The following AGPAT4 variants were observed in gnomAD, a reference collection of about 807,000 sequenced individuals.
AGPAT4 encodes the protein 1-acyl-sn-glycerol-3-phosphate acyltransferase delta.
Under a neutral mutation model 48.0 loss-of-function variants are expected in AGPAT4, and 15 were observed. That is an observed-to-expected ratio of 0.31 (90% CI 0.21 to 0.48). AGPAT4 has a LOEUF of 0.48. Among genes scored for constraint, AGPAT4 ranks in the 20% least tolerant of loss-of-function variants. AGPAT4 has a pLI of 0.99. For synonymous variants in AGPAT4, 178 were observed against 198.7 expected (o/e 0.90, Z 0.88); for missense variants, 314 against 482.5 (o/e 0.65, Z 3.27).
intron 1 of AGPAT4, among the ~76,000 whole-genome samples, chr6:161,269,619 T>C (rs1393447204): frequency 6.6e-6 from 1 of 152,144 alleles, no homozygotes; most frequent in African/African-American, 2.4e-5. Flanking sequence ...CCCTCCAGCC[T>C]GGGTGACAGA....
At position 161,143,093 on chromosome 6, in the gene AGPAT4, G is replaced by C. The variant is rs1195708418; in HGVS notation, c.843+3431C>G. 6.6e-6 allele frequency among the ~76,000 whole-genome samples: 1 copy of C among 152,208 alleles called. No individual in the cohort carries two copies. Among genetic ancestry groups the C allele is most frequent in the East Asian group, 1.9e-4 (1 of 5,192 alleles). ...TGTCCTTCACTTATTTCTCTTTAGA[G>C]ACAGGGTCTTGCTCTGCTGCCCAGG... On this transcript the variant is annotated intron_variant, in intron 7 of 8. Coordinates refer to ENST00000320285, the MANE Select transcript of AGPAT4 (RefSeq NM_020133.3). The surrounding 1 kb of genome is among the most constrained non-coding windows in gnomAD (Gnocchi z 4.7).
intron 5 of AGPAT4, among the ~76,000 whole-genome samples, chr6:161,151,491 A>G (rs943198818): frequency 2.0e-5 from 3 of 152,194 alleles, no homozygotes; most frequent in Non-Finnish European, 2.9e-5. Context: ...CAGGAGGGGG[A>G]CACGTAGCCC....
chr6:161,252,598 A>C (rs1440115137), intron 1 of AGPAT4, among the ~76,000 whole-genome samples: 7 of 152,050 alleles, frequency 4.6e-5, no homozygotes, highest in Non-Finnish European at 1.0e-4. Flanking sequence ...CCAAGGCGGG[A>C]GATCTCTTGA....
rs1782179555 is a variant in AGPAT4, at chr6:161,233,334, T to C, written c.-89-1032A>G. 6.6e-6 allele frequency among the ~76,000 whole-genome samples: 1 copy of C among 152,218 alleles called. No homozygotes were observed. Among genetic ancestry groups the C allele is most frequent in the Non-Finnish European group, 1.5e-5 (1 of 68,034 alleles). On this transcript the variant is annotated intron_variant, in intron 1 of 8. Coordinates refer to ENST00000320285, the MANE Select transcript of AGPAT4 (RefSeq NM_020133.3). This position sits in a 1 kb window ranked among gnomAD's most constrained non-coding sequence, Gnocchi z 5.4. ...CAAATACTCTGATGAAAAGGAAAGC[T>C]GTGAGCAGCGGACTCGCTTTTCCTG...
intron 2 of AGPAT4, among the ~76,000 whole-genome samples, chr6:161,179,013 A>T (rs1425080478): frequency 6.6e-6 from 1 of 152,214 alleles, no homozygotes; most frequent in Non-Finnish European, 1.5e-5. Flanking sequence ...AGAACGCAGT[A>T]GGTGACCTCT....
In AGPAT4 at chr6:161,189,972, T is replaced by C. The variant is rs1316232108; in HGVS notation, c.179-23555A>G. On this transcript the variant is annotated intron_variant, in intron 2 of 8. Transcript: ENST00000320285. This position sits in a 1 kb window ranked among gnomAD's most constrained non-coding sequence, Gnocchi z 5.3. ...TAATTGGAGCATTTCTTTTCCTTTC[T>C]TAGAGATGCATAATAAATATGCACC... Among the ~76,000 whole-genome samples, 1 of 152,208 alleles carries C rather than the reference T, an allele frequency of 6.6e-6. No individual in the cohort carries two copies. Among genetic ancestry groups the C allele is most frequent in the Non-Finnish European group, 1.5e-5 (1 of 68,052 alleles).
chr6:161,153,692 G>A (rs1779664439), intron 4 of AGPAT4, among the ~76,000 whole-genome samples, 193 bp from the exon 5 acceptor site: 1 of 148,414 alleles, frequency 6.7e-6, no homozygotes, highest in Non-Finnish European at 1.5e-5. Context: ...GTCACACACA[G>A]CCCTGGTGTC....
Position 161,255,499 on chromosome 6 carries a change from A to G in AGPAT4, c.-90+18439T>C, listed in dbSNP as rs1782921858. ...TTCATCAACTGATGCGTGGATAAAT[A>G]CAATACAGTATATCCATAAAATGGA... On this transcript the variant is annotated intron_variant, in intron 1 of 8. Transcript: ENST00000320285. This position sits in a 1 kb window ranked among gnomAD's most constrained non-coding sequence, Gnocchi z 4.7. Among the ~76,000 whole-genome samples, 1 of 152,210 alleles carries G rather than the reference A, an allele frequency of 6.6e-6. No homozygotes were observed. The highest frequency in any genetic ancestry group is 1.5e-5 in the Non-Finnish European group (1 of 68,048).
chr6:161,173,244 G>A (rs1234244706), intron 2 of AGPAT4, among the ~76,000 whole-genome samples: 3 of 152,194 alleles, frequency 2.0e-5, no homozygotes, highest in Non-Finnish European at 4.4e-5. Flanking sequence ...GGTTGAACCA[G>A]TTTACAGTCC....
intron 2 of AGPAT4, among the ~76,000 whole-genome samples, chr6:161,188,736 G>A (rs371129740): frequency 1.8e-4 from 28 of 152,266 alleles, no homozygotes; most frequent in African/African-American, 4.6e-4. Context: ...AAGCACGGCC[G>A]TGCCTCTGGG....
At chr6:161,185,167 G>T (rs1255184312) in intron 2 of AGPAT4, among the ~76,000 whole-genome samples, 1 of 150,036 alleles carries the variant, frequency 6.7e-6, no homozygotes, top group Non-Finnish European at 1.5e-5. Context: ...AAACAAGAGG[G>T]AGATAGTTTG....
rs1358859419 is a variant in AGPAT4 at position 161,159,319 on chromosome 6, T to C, written c.349-5009A>G. Among the ~76,000 whole-genome samples, 1 of 152,164 alleles carries C rather than the reference T, an allele frequency of 6.6e-6. No homozygotes were observed. Among genetic ancestry groups the C allele is most frequent in the African/African-American group, 2.4e-5 (1 of 41,450 alleles). On this transcript the variant is annotated intron_variant, in intron 3 of 8. Transcript: ENST00000320285. This position sits in a 1 kb window ranked among gnomAD's most constrained non-coding sequence, Gnocchi z 4.1. ...CAAAGGTATTGATTAAGAAGCCCCC[T>C]ATGCCAGGCATTATGCAGGTGCCGA...
At chr6:161,150,258 T>G (rs994724457) in intron 5 of AGPAT4, among the ~76,000 whole-genome samples, 1 of 152,078 alleles carries the variant, frequency 6.6e-6, no homozygotes, top group South Asian at 2.1e-4. Context: ...GAGGAACGGG[T>G]GGGAACCCCA....
Position 161,242,384 on chromosome 6 carries a change from C to T in AGPAT4, c.-89-10082G>A, listed in dbSNP as rs1782517489. Among the ~76,000 whole-genome samples, 1 of 152,170 alleles carries T rather than the reference C, an allele frequency of 6.6e-6. No individual in the cohort carries two copies. Among genetic ancestry groups the T allele is most frequent in the Non-Finnish European group, 1.5e-5 (1 of 68,034 alleles). On this transcript the variant is annotated intron_variant, in intron 1 of 8. Coordinates refer to ENST00000320285, the MANE Select transcript of AGPAT4 (RefSeq NM_020133.3). This position sits in a 1 kb window ranked among gnomAD's most constrained non-coding sequence, Gnocchi z 5.0. ...TTTCAGTCCATGGTCTTGTTTCTGACTGTTGGGGTGCTCATGAGTATTTAA... is the reference window on the plus strand; with the variant it reads ...TTTCAGTCCATGGTCTTGTTTCTGATTGTTGGGGTGCTCATGAGTATTTAA...
chr6:161,139,879 T>C lies in AGPAT4; in HGVS notation c.844-259A>G, dbSNP rs1236535047. Among the ~76,000 whole-genome samples the C allele has an allele frequency of 2.6e-5, 4 of 152,168 alleles. No individual in the cohort carries two copies. The highest frequency in any genetic ancestry group is 9.6e-5 in the African/African-American group (4 of 41,458). On this transcript the variant is annotated intron_variant, in intron 7 of 8. Transcript: ENST00000320285. The surrounding 1 kb of genome is among the most constrained non-coding windows in gnomAD (Gnocchi z 9.1). ...GTCACTGAGTGCAGGGCGTGGAGCA[T>C]GAACCCTGGCGCCAGGCCAGCCTGG... is the stretch of plus-strand genomic sequence containing the variant.
In AGPAT4 at chr6:161,231,748, A is replaced by C. The variant is rs916172131; in HGVS notation, c.178+288T>G. On this transcript the variant is annotated intron_variant, in intron 2 of 8. Coordinates refer to ENST00000320285, the MANE Select transcript of AGPAT4 (RefSeq NM_020133.3). This position sits in a 1 kb window ranked among gnomAD's most constrained non-coding sequence, Gnocchi z 5.3. ...TTTCTGTAAGGATAACTAAGAAATC[A>C]TTAATACTGATTGGTTCTGAGGAGA... Among the ~76,000 whole-genome samples the C allele has an allele frequency of 5.3e-5, 8 of 152,232 alleles. No individual in the cohort carries two copies. The highest frequency in any genetic ancestry group is 2.9e-5 in the Non-Finnish European group (2 of 68,036).
In AGPAT4 at chr6:161,262,136, C is replaced by A. The variant is rs981339087; in HGVS notation, c.-90+11802G>T. Among the ~76,000 whole-genome samples the A allele has an allele frequency of 1.3e-5, 2 of 152,110 alleles. No homozygotes were observed. The highest frequency in any genetic ancestry group is 2.4e-5 in the African/African-American group (1 of 41,410). ...GGGTTTCTTTTTTTTCAAAGTCACC[C>A]TCTTCTGGCTAGCCACCCTCCTTCT... On this transcript the variant is annotated intron_variant, in intron 1 of 8. Coordinates refer to ENST00000320285, the MANE Select transcript of AGPAT4 (RefSeq NM_020133.3). The surrounding 1 kb of genome is among the most constrained non-coding windows in gnomAD (Gnocchi z 4.9).
rs561848560 is a variant in AGPAT4, at chr6:161,208,443, C to T, written c.178+23593G>A. Among the ~76,000 whole-genome samples, 71 of 151,692 alleles carry T rather than the reference C, an allele frequency of 4.7e-4. 1 individual carries two copies. The highest frequency in any genetic ancestry group is 6.3e-4 in the South Asian group (3 of 4,798). On this transcript the variant is annotated intron_variant, in intron 2 of 8. Coordinates refer to ENST00000320285, the MANE Select transcript of AGPAT4 (RefSeq NM_020133.3). The surrounding 1 kb of genome is among the most constrained non-coding windows in gnomAD (Gnocchi z 4.6). Reference sequence around the variant, plus strand: ...ACACACTTATGTATACAAATGCACGCACACACACCCACCCCCAACATCTGC... The same window carrying T: ...ACACACTTATGTATACAAATGCACGTACACACACCCACCCCCAACATCTGC...
intron 1 of AGPAT4, among the ~76,000 whole-genome samples, chr6:161,269,289 T>C (rs1458101546): frequency 6.6e-6 from 1 of 152,188 alleles, no homozygotes; most frequent in Non-Finnish European, 1.5e-5. Flanking sequence ...TTTAGTTAAT[T>C]AACAAATGTT....
Sources: gnomAD v4.1 joint callset for allele counts (sites outside exome capture counted in the v4.1 genomes callset) on GRCh38, gnomAD v4.1.1 for gene constraint, Gnocchi (gnomAD v3.1) non-coding constraint, MANE v1.5 for transcripts, NCBI Gene and HGNC (gene_info 2026-07-23, HGNC 2026-07-21) for gene names.